Variants in DLGAP4 observed in about 807,000 individuals in gnomAD.
DLGAP4 encodes DLG associated protein 4.
A neutral mutation model predicts 86.9 loss-of-function variants in DLGAP4; 18 were observed. The observed-to-expected ratio is 0.21, with a 90% CI of 0.14 to 0.31. The LOEUF (loss-of-function observed/expected upper bound fraction) is 0.31, where lower values mean the gene tolerates loss of function less well. Among genes scored for constraint, DLGAP4 ranks in the 10% least tolerant of loss-of-function variants. DLGAP4 has a pLI of 1.00. For synonymous variants in DLGAP4, 548 were observed against 574.3 expected (o/e 0.95, Z 0.65); for missense variants, 1,085 against 1,362.6 (o/e 0.80, Z 3.21).
At chr20:36,504,303 C>T (rs6014198) in intron 10 of DLGAP4, among the ~76,000 whole-genome samples, 9,207 of 152,182 alleles carry the variant, frequency 0.06, 977 homozygotes, top group African/African-American at 0.21. Context: ...GAATTTTCCT[C>T]GTCCTTTTGT....
intron 11 of DLGAP4, among the ~76,000 whole-genome samples, chr20:36,525,200 G>A (rs2037637785): frequency 9.7e-6 from 1 of 103,144 alleles, no homozygotes; most frequent in African/African-American, 3.9e-5. Flanking sequence ...CTGGGTGACA[G>A]AGCGAGACTC....
At chr20:36,411,324 G>A (rs1375546580) in intron 2 of DLGAP4, among the ~76,000 whole-genome samples, 9 of 152,030 alleles carry the variant, frequency 5.9e-5, no homozygotes, top group South Asian at 2.1e-4. Context: ...TCTGCTTCTC[G>A]GAGAACCCAA....
In DLGAP4 at chr20:36,439,827, C is replaced by G. The variant is rs1600531466; in HGVS notation, c.1315C>G (p.Pro439Ala). The G allele has an allele frequency of 6.2e-7, 1 of 1,613,822 alleles. No homozygotes were observed. The highest frequency in any genetic ancestry group is 8.5e-7 in the Non-Finnish European group (1 of 1,180,004). ...TCCGAGCTGGGAAGAGGACTACACC[C>G]CCGTCAGCGACAGCCTCAACGACTC... ...KCPSWEEDYT[P>A]VSDSLNDSSC... Residue 439 changes from proline (P) to alanine (A), a missense_variant, in exon 5 of 13, where the codon CCC (proline) becomes GCC (alanine). By Grantham distance (27) the Pro-to-Ala change is conservative. Coordinates refer to ENST00000339266, the MANE Select transcript of DLGAP4 (RefSeq NM_001365621.2).
chr20:36,436,095 T>TG lies in DLGAP4; in HGVS notation c.1000-13dup. On this transcript the variant is annotated splice_polypyrimidine_tract_variant and intron_variant, in intron 3 of 12. Transcript: ENST00000339266. ...TCTGCGGTGGCCCCACTGAGTCCTGTGCCCCATCCCCAGGTGCCCGGCGGC... is the reference window on the plus strand; with the variant it reads ...TCTGCGGTGGCCCCACTGAGTCCTGTGGCCCCATCCCCAGGTGCCCGGCGGC... The TG allele has an allele frequency of 6.4e-7, 1 of 1,561,528 alleles. No individual in the cohort carries two copies. The highest frequency in any genetic ancestry group is 1.8e-5 in the Admixed American group (1 of 55,744).
chr20:36,319,128 C>T (rs1441486309), intron 1 of DLGAP4, among the ~76,000 whole-genome samples: 2 of 148,832 alleles, frequency 1.3e-5, no homozygotes, highest in African/African-American at 2.5e-5. Flanking sequence ...GGCAACAGAG[C>T]GAGACTCCAT....
chr20:36,496,673 C>T, intron 7 of DLGAP4, 32 bp from the exon 8 acceptor site: 2 of 1,575,010 alleles, frequency 1.3e-6, no homozygotes, highest in South Asian at 1.2e-5. Flanking sequence ...ACCATCTCAC[C>T]TCTCCCCTGC....
intron 1 of DLGAP4, among the ~76,000 whole-genome samples, chr20:36,362,285 AG>A (rs1348385384): frequency 6.6e-6 from 1 of 152,216 alleles, no homozygotes; most frequent in Non-Finnish European, 1.5e-5. Context: ...AAAAAAAGAT[AG>A]GACATAGTCT....
intron 7 of DLGAP4, among the ~76,000 whole-genome samples, chr20:36,463,185 G>C (rs151104792): frequency 0.012 from 1,768 of 152,244 alleles, 40 homozygotes; most frequent in African/African-American, 0.04. Flanking sequence ...GATTGACTTT[G>C]GTAGTCTAAC....
At chr20:36,322,937 G>A (rs2065182980) in intron 1 of DLGAP4, among the ~76,000 whole-genome samples, 1 of 152,064 alleles carries the variant, frequency 6.6e-6, no homozygotes, top group African/African-American at 2.4e-5. Flanking sequence ...CACTTTGGGA[G>A]GTTGAGGAGG....
intron 7 of DLGAP4, among the ~76,000 whole-genome samples, chr20:36,494,487 T>C (rs1281609978): frequency 6.6e-6 from 1 of 152,222 alleles, no homozygotes; most frequent in Non-Finnish European, 1.5e-5. Context: ...AAAGGGATTC[T>C]TCATACCCCT....
chr20:36,387,546 C>G (rs2031641111), intron 2 of DLGAP4, among the ~76,000 whole-genome samples: 1 of 152,118 alleles, frequency 6.6e-6, no homozygotes, highest in South Asian at 2.1e-4. Context: ...TATTTCTTTG[C>G]AACTTCTTTA....
intron 2 of DLGAP4, among the ~76,000 whole-genome samples, chr20:36,430,648 C>CA (rs5841233): frequency 0.05 from 2,929 of 58,760 alleles, 89 homozygotes; most frequent in African/African-American, 0.092. Flanking sequence ...GACCTTGTTG[C>CA]AAAAAAAAAA....
intron 7 of DLGAP4, 149 bp from the exon 8 acceptor site, chr20:36,496,556 T>A (rs769953433): frequency 3.8e-6 from 5 of 1,314,594 alleles, no homozygotes; most frequent in Non-Finnish European, 5.1e-6. Context: ...TGACCCTCGT[T>A]CTCCCTGCTC....
rs2036011828 is a variant in DLGAP4 at position 36,499,164 on chromosome 20, C to T, written c.2011-424C>T. ...CAGCTTCAACTACACCAGATAACGG[C>T]TGTGGCTTTGTGTGTGTGTGTGTGT... On this transcript the variant is annotated intron_variant, in intron 8 of 12. Coordinates refer to ENST00000339266, the MANE Select transcript of DLGAP4 (RefSeq NM_001365621.2). 5.8e-6 allele frequency: 8 copies of T among 1,381,732 alleles called. No homozygotes were observed. In the Admixed American group the frequency reaches 1.4e-4, roughly 25 times the overall value. The allele number at this position is 1,381,732 out of a possible 1,614,324, so 85.6% of individuals were successfully genotyped here. A position where few individuals can be genotyped will look rare whatever the true frequency, so the allele number is the denominator to read the frequency against.
At chr20:36,317,868 A>C (rs937232010) in intron 1 of DLGAP4, among the ~76,000 whole-genome samples, 3,091 of 152,154 alleles carry the variant, frequency 0.02, 129 homozygotes, top group African/African-American at 0.071. Context: ...GCAGCCACAC[A>C]GGGCTGGCTG....
intron 10 of DLGAP4, among the ~76,000 whole-genome samples, chr20:36,502,246 C>G (rs1430551567): frequency 2.6e-5 from 4 of 152,174 alleles, no homozygotes; most frequent in Non-Finnish European, 5.9e-5. Flanking sequence ...CAGAGCCTAA[C>G]AGTATATTAT....
At chr20:36,524,552 T>C (rs1243823673) in intron 11 of DLGAP4, among the ~76,000 whole-genome samples, 1 of 152,204 alleles carries the variant, frequency 6.6e-6, no homozygotes, top group Non-Finnish European at 1.5e-5. Context: ...TATCTTTCCA[T>C]GTTGAAACAG....
At chr20:36,502,724 T>TTTTTTA (rs1239471228) in intron 10 of DLGAP4, among the ~76,000 whole-genome samples, 1 of 152,140 alleles carries the variant, frequency 6.6e-6, no homozygotes, top group African/African-American at 2.4e-5. Flanking sequence ...CACCATCATT[T>TTTTTTA]TTTTTATTTT....
chr20:36,499,179 T>G, intron 8 of DLGAP4: 1 of 1,468,392 alleles, frequency 6.8e-7, no homozygotes, highest in Non-Finnish European at 9.4e-7. Flanking sequence ...GCTTTGTGTG[T>G]GTGTGTGTGT....
Sources: allele counts gnomAD v4.1 joint callset (sites outside exome capture counted in the v4.1 genomes callset), GRCh38; gene constraint gnomAD v4.1.1; transcripts MANE v1.5; gene names NCBI Gene and HGNC (gene_info 2026-07-23, HGNC 2026-07-21).